Variants in PSD3 observed in about 807,000 individuals in gnomAD.
PSD3 encodes pleckstrin and Sec7 domain containing 3.
In PSD3, 49 loss-of-function variants were observed where a neutral mutation model predicts 105.5. That is an observed-to-expected ratio of 0.46 (90% CI 0.37 to 0.59). The LOEUF is 0.59. Ranked by LOEUF, PSD3 falls within the 20% of genes least tolerant of loss-of-function variation. The pLI is 0.00. For missense variants in PSD3, 1,561 were observed against 1,263.8 expected, an observed-to-expected ratio of 1.24 and a Z score of -3.57; for synonymous variants, 557 against 457.8, an observed-to-expected ratio of 1.22 and a Z score of -2.77.
intron 1 of PSD3, among the ~76,000 whole-genome samples, chr8:19,035,218 CATA>C (rs1827901742): frequency 6.6e-6 from 1 of 152,130 alleles, no homozygotes; most frequent in Non-Finnish European, 1.5e-5. Flanking sequence ...TATAGCACTA[CATA>C]ATAATGATTT....
Position 18,536,220 on chromosome 8 carries a change from G to A in PSD3, c.2929-262C>T, listed in dbSNP as rs79160270. On this transcript the variant is annotated intron_variant, in intron 15 of 15. Transcript: ENST00000327040. ...GACAGAATGTCAACTTGGAGTTGCTGGCTACCAGATGGAACACCATGAATC... is the reference window on the plus strand; with the variant it reads ...GACAGAATGTCAACTTGGAGTTGCTAGCTACCAGATGGAACACCATGAATC... Among the ~76,000 whole-genome samples, 1,346 of 152,274 alleles carry A rather than the reference G, an allele frequency of 8.8e-3. 22 individuals are homozygous for A. Among genetic ancestry groups the A allele is most frequent in the African/African-American group, 0.031 (1,285 of 41,560 alleles).
chr8:18,996,152 T>G (rs1030825970), intron 1 of PSD3, among the ~76,000 whole-genome samples: 1 of 152,076 alleles, frequency 6.6e-6, no homozygotes, highest in Non-Finnish European at 1.5e-5. Flanking sequence ...GCCCTGTGGT[T>G]GCTACCTGGA....
rs77166933 is a variant in PSD3 at position 19,001,983 on chromosome 8, G to A, written c.21+11580C>T. ...GACCCTCCCCGGGTACCCTGCACTGGCTGAGGTTGACTAGACAAGGGGAGA... is the reference window on the plus strand; with the variant it reads ...GACCCTCCCCGGGTACCCTGCACTGACTGAGGTTGACTAGACAAGGGGAGA... On this transcript the variant is annotated intron_variant, in intron 1 of 15. Coordinates refer to ENST00000327040, the MANE Select transcript of PSD3 (RefSeq NM_015310.4). 470 of 158,300 alleles carry A rather than the reference G, an allele frequency of 3.0e-3. 3 individuals are homozygous for A. The highest frequency in any genetic ancestry group is 0.011 in the African/African-American group (446 of 41,678). 9.8% of individuals were successfully genotyped at this position (158,300 alleles called of 1,614,324 possible). A position where few individuals can be genotyped will look rare whatever the true frequency, so the allele number is the denominator to read the frequency against.
intron 2 of PSD3, among the ~76,000 whole-genome samples, chr8:18,925,569 A>G (rs375159756): frequency 1.1e-4 from 17 of 152,120 alleles, no homozygotes; most frequent in East Asian, 7.7e-4. Flanking sequence ...GAAACGTTGG[A>G]GTGCCAACGT....
At chr8:18,691,740 C>T (rs1212759076) in intron 9 of PSD3, among the ~76,000 whole-genome samples, 1 of 152,102 alleles carries the variant, frequency 6.6e-6, no homozygotes, top group African/African-American at 2.4e-5. Context: ...CAAATATTCC[C>T]CAAGTGCCTA....
At chr8:18,706,163 T>A (rs917724332) in intron 9 of PSD3, among the ~76,000 whole-genome samples, 1 of 152,152 alleles carries the variant, frequency 6.6e-6, no homozygotes, top group Non-Finnish European at 1.5e-5. Flanking sequence ...AGAAGACGCT[T>A]AGAGCAGAGC....
chr8:19,013,232 T>C (rs2129475469), intron 1 of PSD3, among the ~76,000 whole-genome samples: 1 of 151,976 alleles, frequency 6.6e-6, no homozygotes, highest in South Asian at 2.1e-4. Flanking sequence ...AAATACAAGC[T>C]GACCGGGCAA....
intron 2 of PSD3, among the ~76,000 whole-genome samples, chr8:18,932,118 C>CA (rs1427144326): frequency 5.3e-5 from 8 of 152,182 alleles, no homozygotes; most frequent in Non-Finnish European, 1.0e-4. Flanking sequence ...GATTGGGTAC[C>CA]ACGTGCCAAA....
chr8:19,020,683 G>T lies in PSD3; in HGVS notation c.324+63523C>A, dbSNP rs917764117. Among the ~76,000 whole-genome samples the T allele has an allele frequency of 2.0e-5, 3 of 151,988 alleles. No homozygotes were observed. The East Asian group carries it at 5.8e-4, about 29-fold the overall frequency. ...TCAAGCAGGAGATGATGGTGGCTTG[G>T]GCCAGGGTGGTGGCAAAGAAGGAGG... On this transcript the variant is annotated intron_variant, in intron 1 of 1. Coordinates refer to the PSD3 transcript ENST00000521475.
intron 8 of PSD3, among the ~76,000 whole-genome samples, chr8:18,774,114 T>G (rs1305832765): frequency 6.6e-6 from 1 of 152,230 alleles, no homozygotes; most frequent in Non-Finnish European, 1.5e-5. Flanking sequence ...TTTTTTCTTT[T>G]GTATAGTCCT....
intron 9 of PSD3, among the ~76,000 whole-genome samples, chr8:18,673,941 A>G (rs1284519963): frequency 6.6e-6 from 1 of 152,152 alleles, no homozygotes; most frequent in East Asian, 1.9e-4. Context: ...CAGCAGTTAA[A>G]GACCAACCTG....
At chr8:18,769,719 A>C (rs1210759857) in intron 8 of PSD3, among the ~76,000 whole-genome samples, 1 of 152,350 alleles carries the variant, frequency 6.6e-6, no homozygotes, top group East Asian at 1.9e-4. Context: ...CATGTGAAAT[A>C]AATGGAATCA....
intron 9 of PSD3, among the ~76,000 whole-genome samples, chr8:18,713,000 A>C (rs1802347680): frequency 6.6e-6 from 1 of 152,216 alleles, no homozygotes; most frequent in Admixed American, 6.5e-5. Context: ...CAGTTAATGT[A>C]ATTCATCACA....
intron 15 of PSD3, among the ~76,000 whole-genome samples, chr8:18,542,465 T>C (rs866867037): frequency 1.3e-5 from 2 of 152,178 alleles, no homozygotes; most frequent in South Asian, 2.1e-4. Context: ...ATAATAACAA[T>C]ATTCAAGTAT....
intron 2 of PSD3, among the ~76,000 whole-genome samples, chr8:18,895,466 C>G (rs1364268301): frequency 6.6e-6 from 1 of 152,196 alleles, no homozygotes; most frequent in Non-Finnish European, 1.5e-5. Flanking sequence ...ATATTCCTAT[C>G]AGCATCTCTT....
At chr8:18,713,038 G>C (rs2410589) in intron 9 of PSD3, among the ~76,000 whole-genome samples, 15 of 151,750 alleles carry the variant, frequency 9.9e-5, no homozygotes, top group African/African-American at 3.6e-4. Flanking sequence ...AAAAACCACG[G>C]GATTATCTCG....
At chr8:18,698,162 G>A (rs1010982767) in intron 9 of PSD3, among the ~76,000 whole-genome samples, 3 of 152,114 alleles carry the variant, frequency 2.0e-5, no homozygotes, top group Non-Finnish European at 4.4e-5. Flanking sequence ...GCAGTGGTGC[G>A]ATCATAGCTC....
intron 12 of PSD3, among the ~76,000 whole-genome samples, chr8:18,591,489 A>G (rs1417435860): frequency 2.0e-5 from 3 of 152,170 alleles, no homozygotes; most frequent in African/African-American, 7.2e-5. Context: ...GGCTGAAGAA[A>G]GGTAGAGTGT....
At chr8:18,992,868 C>T (rs56345186) in intron 1 of PSD3, among the ~76,000 whole-genome samples, 45,022 of 151,800 alleles carry the variant, frequency 0.3, 6,963 homozygotes, top group Non-Finnish European at 0.35. Flanking sequence ...TAAGGTCCGT[C>T]TGAGCTCTGA....
Sources: gnomAD v4.1 joint callset for allele counts (sites outside exome capture counted in the v4.1 genomes callset) on GRCh38, gnomAD v4.1.1 for gene constraint, MANE v1.5 for transcripts, NCBI Gene and HGNC (gene_info 2026-07-23, HGNC 2026-07-21) for gene names.